The following PPTC7 variants were observed in gnomAD, a reference collection of about 807,000 sequenced individuals.
PPTC7 encodes the protein protein phosphatase PTC7 homolog.
A neutral mutation model predicts 30.8 loss-of-function variants in PPTC7; 6 were observed. That is an observed-to-expected ratio of 0.19 (90% CI 0.11 to 0.38). PPTC7 has a LOEUF of 0.38. Ranked by LOEUF, PPTC7 falls within the 10% of genes least tolerant of loss-of-function variation. The pLI is 1.00. For synonymous variants in PPTC7, 163 were observed against 168.1 expected (o/e 0.97, Z 0.23); for missense variants, 218 against 404.8 (o/e 0.54, Z 3.96).
rs147324204 is a variant in PPTC7 at position 110,578,171 on chromosome 12, A to G, written c.223+4638T>C. On this transcript the variant is annotated intron_variant, in intron 1 of 5. Coordinates refer to ENST00000354300, the MANE Select transcript of PPTC7 (RefSeq NM_139283.2). ...AGTGAGGTGAAAAAAACTAGACTCCAAGGTTTCTAAGTGTTACAATTCTCA... is the reference window on the plus strand; with the variant it reads ...AGTGAGGTGAAAAAAACTAGACTCCGAGGTTTCTAAGTGTTACAATTCTCA... Among the ~76,000 whole-genome samples, 875 of 152,290 alleles carry G rather than the reference A, an allele frequency of 5.7e-3. 2 individuals carry two copies. The highest frequency in any genetic ancestry group is 0.02 in the African/African-American group (838 of 41,554).
Position 110,583,174 on chromosome 12 carries a change from G to T in PPTC7, c.-143C>A, listed in dbSNP as rs1420413172. 5.3e-5 allele frequency: 21 copies of T among 394,440 alleles called. No homozygotes were observed. The highest frequency in any genetic ancestry group is 7.6e-5 in the Non-Finnish European group (20 of 263,650). 24.4% of individuals were successfully genotyped at this position (394,440 alleles called of 1,614,324 possible). A position where few individuals can be genotyped will look rare whatever the true frequency, so the allele number is the denominator to read the frequency against. On this transcript the variant is annotated 5_prime_UTR_variant, in exon 1 of 6. Coordinates refer to ENST00000354300, the MANE Select transcript of PPTC7 (RefSeq NM_139283.2). Reference sequence around the variant, plus strand: ...GCGCGCAGTGGCCGCCGCCGCCCCTGCCCGACGCGCGGGGCCTCGCACGCG... The same window carrying T: ...GCGCGCAGTGGCCGCCGCCGCCCCTTCCCGACGCGCGGGGCCTCGCACGCG...
Position 110,538,192 on chromosome 12 carries a change from T to C in PPTC7, c.808A>G (p.Met270Val). ...CATGCAAACTGTGCAAAAGGTGACA[T>C]ATAATTTGGGTCATAGGCCAGCTCA... ...AHELAYDPNY[M>V]SPFAQFACDN... The change falls in exon 5 of 6, where the codon ATG (methionine) becomes GTG (valine). Residue 270 changes from methionine (M) to valine (V), a missense_variant. Coordinates refer to ENST00000354300, the MANE Select transcript of PPTC7 (RefSeq NM_139283.2). 3 of 1,614,172 alleles carry C rather than the reference T, an allele frequency of 1.9e-6. No homozygotes were observed. Among genetic ancestry groups the C allele is most frequent in the Non-Finnish European group, 2.5e-6 (3 of 1,180,000 alleles).
intron 1 of PPTC7, among the ~76,000 whole-genome samples, chr12:110,575,199 C>A (rs996205464): frequency 3.9e-5 from 6 of 152,040 alleles, no homozygotes; most frequent in African/African-American, 2.4e-5. Context: ...AAAAAGAGAT[C>A]AAAAGTTAAC....
intron 5 of PPTC7, 87 bp downstream of exon 5, chr12:110,538,057 C>CT: frequency 6.9e-7 from 1 of 1,442,364 alleles, no homozygotes; most frequent in Non-Finnish European, 9.5e-7. Flanking sequence ...AGGACACCTC[C>CT]ACAGTCTCAC....
intron 1 of PPTC7, among the ~76,000 whole-genome samples, chr12:110,580,104 G>A (rs1341095587): frequency 1.3e-5 from 2 of 151,924 alleles, no homozygotes; most frequent in African/African-American, 2.4e-5. Flanking sequence ...GGGTCAGATC[G>A]TCCATTCCCT....
chr12:110,571,518 A>C (rs1242589306), intron 1 of PPTC7, among the ~76,000 whole-genome samples: 1 of 152,192 alleles, frequency 6.6e-6, no homozygotes, highest in Non-Finnish European at 1.5e-5. Context: ...AAAAAATCCC[A>C]GATGTAGGGG....
Position 110,553,307 on chromosome 12 carries a change from G to A in PPTC7, c.224-1339C>T, listed in dbSNP as rs192422061. 6.1e-4 allele frequency among the ~76,000 whole-genome samples: 92 copies of A among 151,626 alleles called. 1 individual carries two copies. The highest frequency in any genetic ancestry group is 5.6e-3 in the Admixed American group (86 of 15,272). On this transcript the variant is annotated intron_variant, in intron 1 of 5. Coordinates refer to ENST00000354300, the MANE Select transcript of PPTC7 (RefSeq NM_139283.2). ...TGAGACTACAGGTGCGTGCCATCAC[G>A]CCTGGCTTTTTTGTATTTTTAGTAG...
At chr12:110,575,087 G>A (rs1043217037) in intron 1 of PPTC7, among the ~76,000 whole-genome samples, 22 of 151,562 alleles carry the variant, frequency 1.5e-4, no homozygotes, top group Admixed American at 4.6e-4. Context: ...CACCGTGCCC[G>A]GCCCCTATCA....
intron 3 of PPTC7, among the ~76,000 whole-genome samples, chr12:110,544,378 T>C (rs1267876375): frequency 1.3e-5 from 2 of 152,250 alleles, no homozygotes. Flanking sequence ...CTTCTATTTT[T>C]ACAAAAGGTT....
At chr12:110,548,996 G>A (rs890261226) in intron 2 of PPTC7, among the ~76,000 whole-genome samples, 2 of 152,178 alleles carry the variant, frequency 1.3e-5, no homozygotes, top group African/African-American at 4.8e-5. Context: ...AGTAAGAAAA[G>A]CGGTGCTGAG....
chr12:110,549,696 T>C (rs902262980), intron 2 of PPTC7, among the ~76,000 whole-genome samples: 1 of 152,068 alleles, frequency 6.6e-6, no homozygotes, highest in African/African-American at 2.4e-5. Flanking sequence ...AAAGGGAAAG[T>C]AGGAATAGGA....
In PPTC7 at chr12:110,552,084, C is replaced by G; in HGVS notation, c.224-116G>C. 5.2e-6 allele frequency: 4 copies of G among 776,500 alleles called. No homozygotes were observed. The South Asian group carries it at 5.9e-5, about 11-fold the overall frequency. The allele number at this position is 776,500 out of a possible 1,614,324, so 48.1% of individuals were successfully genotyped here. ...CTACATGCTACTACATACATTCACT[C>G]CAAAATTCAGAATAAAAAGCACTCA... On this transcript the variant is annotated intron_variant, in intron 1 of 5. Transcript: ENST00000354300.
At chr12:110,563,332 A>G (rs985576978) in intron 1 of PPTC7, among the ~76,000 whole-genome samples, 1 of 151,728 alleles carries the variant, frequency 6.6e-6, no homozygotes, top group African/African-American at 2.4e-5. Flanking sequence ...AACATGTGAA[A>G]ATGGCCGCAT....
intron 2 of PPTC7, among the ~76,000 whole-genome samples, chr12:110,551,342 T>C (rs2064348276): frequency 6.6e-6 from 1 of 152,230 alleles, no homozygotes; most frequent in Admixed American, 6.5e-5. Flanking sequence ...GGTTAGCCTA[T>C]AGTTTCTCTT....
intron 1 of PPTC7, among the ~76,000 whole-genome samples, chr12:110,571,808 G>C (rs1424152372): frequency 6.6e-6 from 1 of 152,078 alleles, no homozygotes; most frequent in African/African-American, 2.4e-5. Context: ...AAAATGACAG[G>C]ATCAAAATGG....
intron 1 of PPTC7, among the ~76,000 whole-genome samples, chr12:110,559,283 G>A (rs2064417136): frequency 6.6e-6 from 1 of 152,002 alleles, no homozygotes; most frequent in African/African-American, 2.4e-5. Context: ...TCCTGCCTCA[G>A]TCTCCCAAAG....
chr12:110,582,190 A>G (rs1321325010), intron 1 of PPTC7, among the ~76,000 whole-genome samples: 1 of 152,162 alleles, frequency 6.6e-6, no homozygotes, highest in East Asian at 1.9e-4. Context: ...CCAACCCCCA[A>G]GTGACCGCAA....
rs148164159 is a variant in PPTC7 at position 110,563,480 on chromosome 12, T to C, written c.224-11512A>G. Among the ~76,000 whole-genome samples, 1,070 of 152,246 alleles carry C rather than the reference T, an allele frequency of 7.0e-3. 19 individuals carry two copies. The highest frequency in any genetic ancestry group is 0.025 in the African/African-American group (1,028 of 41,562). On this transcript the variant is annotated intron_variant, in intron 1 of 5. Coordinates refer to ENST00000354300, the MANE Select transcript of PPTC7 (RefSeq NM_139283.2). ...AAAAATCAAAATTAGCCAGGCGTGG[T>C]AGCACATGCCTGTAATCCCAGCTAC...
intron 1 of PPTC7, among the ~76,000 whole-genome samples, chr12:110,559,916 T>C (rs2064424574): frequency 6.6e-6 from 1 of 151,992 alleles, no homozygotes; most frequent in African/African-American, 2.4e-5. Flanking sequence ...TTTGTAGGGA[T>C]GGGTCCTCGC....
Sources: gnomAD v4.1 joint callset for allele counts (sites outside exome capture counted in the v4.1 genomes callset) on GRCh38, gnomAD v4.1.1 for gene constraint, MANE v1.5 for transcripts, NCBI Gene and HGNC (gene_info 2026-07-23, HGNC 2026-07-21) for gene names.